PCDHA9: variants seen among roughly 807,000 people sequenced by gnomAD.
The protein encoded by PCDHA9 is protocadherin alpha 9.
PCDHA9 carries 62 observed loss-of-function variants against 62.0 expected under a neutral mutation model. The ratio of observed to expected loss-of-function variants is 1.00; its 90% CI spans 0.81 to 1.23. PCDHA9 has a LOEUF of 1.23. Ranked by LOEUF, PCDHA9 falls within the 50% of genes most tolerant of loss-of-function variation. The probability of loss-of-function intolerance (pLI) is 0.00; values close to 1 mark genes in which losing one functional copy is unlikely to be tolerated. For synonymous variants in PCDHA9, 557 were observed against 567.6 expected (o/e 0.98, Z 0.27); for missense variants, 1,205 against 1,249.8 (o/e 0.96, Z 0.54).
chr5:140,848,676 C>T lies in PCDHA9; in HGVS notation c.181C>T (p.Pro61Ser). The T allele has an allele frequency of 6.3e-7, 1 of 1,592,292 alleles. No individual in the cohort carries two copies. Among genetic ancestry groups the T allele is most frequent in the South Asian group, 1.1e-5 (1 of 90,126 alleles). The change falls in exon 1 of 4, where the codon CCG becomes TCG. Residue 61 changes from proline (P) to serine (S), a missense_variant. Physicochemically the swap from Pro to Ser is moderately conservative, Grantham distance 74 (BLOSUM62 -1). Coordinates refer to ENST00000532602, the MANE Select transcript of PCDHA9 (RefSeq NM_031857.2). ...DLGLELAELV[P>S]RLFQLDSKGR... ...GGGGCTGGAGCTGGCGGAGCTGGTGCCGCGCCTGTTCCAGTTGGATTCCAA... is the reference window on the plus strand; with the variant it reads ...GGGGCTGGAGCTGGCGGAGCTGGTGTCGCGCCTGTTCCAGTTGGATTCCAA...
intron 3 of PCDHA9, among the ~76,000 whole-genome samples, chr5:141,009,257 C>G (rs1375950001): frequency 6.6e-6 from 1 of 152,136 alleles, no homozygotes; most frequent in Non-Finnish European, 1.5e-5. Flanking sequence ...GTGTTTGAGA[C>G]CAGCCTGGGC....
intron 1 of PCDHA9, chr5:140,865,770 T>C (rs1554159611): frequency 6.6e-6 from 1 of 152,200 alleles, no homozygotes; most frequent in Non-Finnish European, 1.5e-5. Context: ...GGAGATATTA[T>C]TCAAATGTGT....
intron 1 of PCDHA9, among the ~76,000 whole-genome samples, chr5:140,949,473 G>A (rs2094384488): frequency 6.6e-6 from 1 of 151,492 alleles, no homozygotes; most frequent in South Asian, 2.1e-4. Flanking sequence ...CCTGTTATTA[G>A]GCACACACAT....
chr5:140,971,332 A>G (rs1229650076), intron 1 of PCDHA9, among the ~76,000 whole-genome samples: 3 of 152,242 alleles, frequency 2.0e-5, no homozygotes, highest in Non-Finnish European at 4.4e-5. Context: ...AAATTATTTC[A>G]GAAAGTGCTT....
At chr5:140,969,606 C>T (rs2096345912) in intron 1 of PCDHA9, 1 of 758,598 alleles carries the variant, frequency 1.3e-6, no homozygotes, top group South Asian at 2.1e-5. Context: ...AATGCTAAAA[C>T]ACAGATTTGT....
intron 1 of PCDHA9, among the ~76,000 whole-genome samples, chr5:140,941,319 CT>C (rs70988781): frequency 0.38 from 39,984 of 104,186 alleles, 7,512 homozygotes; most frequent in East Asian, 0.57. Flanking sequence ...TCTTCTTTCT[CT>C]TTTTTTTTTT....
intron 1 of PCDHA9, among the ~76,000 whole-genome samples, chr5:140,901,967 T>C (rs2069024315): frequency 6.6e-6 from 1 of 152,134 alleles, no homozygotes; most frequent in East Asian, 1.9e-4. Flanking sequence ...CTATCGTAAA[T>C]GGGATTACTT....
In PCDHA9 at chr5:140,848,485, G is replaced by C. The variant is rs1386369016; in HGVS notation, c.-11G>C. On this transcript the variant is annotated 5_prime_UTR_variant, in exon 1 of 4. Coordinates refer to ENST00000532602, the MANE Select transcript of PCDHA9 (RefSeq NM_031857.2). ...AATTTTCACTAATTAGAAGAAGACT[G>C]AGTATTTGAAATGTTATACTCAAGT... is the stretch of plus-strand genomic sequence containing the variant. 6.4e-7 allele frequency: 1 copy of C among 1,573,026 alleles called. No homozygotes were observed. Among genetic ancestry groups the C allele is most frequent in the Non-Finnish European group, 8.7e-7 (1 of 1,153,260 alleles).
chr5:140,985,845 C>T (rs1381097554), intron 3 of PCDHA9, among the ~76,000 whole-genome samples: 1 of 150,700 alleles, frequency 6.6e-6, no homozygotes, highest in African/African-American at 2.4e-5. Flanking sequence ...GTTCATGCCA[C>T]TCTCCTGCCT....
chr5:140,857,610 C>T (rs1436552212), intron 1 of PCDHA9: 2 of 1,596,344 alleles, frequency 1.3e-6, no homozygotes, highest in South Asian at 2.2e-5. Flanking sequence ...GCGCTGCAGC[C>T]GCTGGACCAC....
chr5:141,000,705 G>A (rs912231910), intron 3 of PCDHA9, among the ~76,000 whole-genome samples: 6 of 151,458 alleles, frequency 4.0e-5, no homozygotes, highest in African/African-American at 1.2e-4. Context: ...TGGGATTACA[G>A]GCATGAGCCA....
At chr5:140,965,496 ATTTTTT>A (rs71766133) in intron 1 of PCDHA9, among the ~76,000 whole-genome samples, 2 of 146,442 alleles carry the variant, frequency 1.4e-5, no homozygotes, top group African/African-American at 2.5e-5. Flanking sequence ...ATGACAGCAG[ATTTTTT>A]TTTTTTTTTA....
chr5:140,874,124 T>G (rs926046559), intron 1 of PCDHA9, among the ~76,000 whole-genome samples: 6 of 152,266 alleles, frequency 3.9e-5, no homozygotes, highest in Admixed American at 3.3e-4. Context: ...TTATAGTTTA[T>G]TTAAGTTATC....
At chr5:140,979,086 G>A in intron 2 of PCDHA9, 79 bp downstream of exon 2, 3 of 1,561,050 alleles carry the variant, frequency 1.9e-6, no homozygotes, top group South Asian at 2.4e-5. Flanking sequence ...CCATAGGCCA[G>A]AAGCAGCTGT....
intron 1 of PCDHA9, chr5:140,876,824 A>G (rs1554168970): frequency 1.2e-6 from 2 of 1,614,116 alleles, no homozygotes; most frequent in Non-Finnish European, 1.7e-6. Context: ...GTGAACGACA[A>G]TGCGCCTGCG....
intron 1 of PCDHA9, among the ~76,000 whole-genome samples, chr5:140,945,791 G>T (rs782283550): frequency 1.3e-5 from 2 of 152,064 alleles, no homozygotes; most frequent in Non-Finnish European, 2.9e-5. Flanking sequence ...GCAGAAAAAT[G>T]AAACTAGACC....
At chr5:140,863,101 C>T in intron 1 of PCDHA9, 1 of 580,234 alleles carries the variant, frequency 1.7e-6, no homozygotes, top group Non-Finnish European at 3.4e-6. Flanking sequence ...GACGAGTACC[C>T]TGGACGAGGC....
intron 1 of PCDHA9, among the ~76,000 whole-genome samples, chr5:140,892,088 C>T (rs782787174): frequency 1.3e-5 from 2 of 152,122 alleles, no homozygotes; most frequent in Non-Finnish European, 2.9e-5. Flanking sequence ...AGTTTCCTCT[C>T]GAAACTTTCA....
chr5:140,883,683 G>A lies in PCDHA9; in HGVS notation c.2394+32794G>A, dbSNP rs1015362604. ...GTGAAGGAAAACAATCCGCCGGGCT[G>A]CCACATCTTCACGGTGTCTGCTCAG... On this transcript the variant is annotated intron_variant, in intron 1 of 3. Transcript: ENST00000532602. 4 of 1,613,808 alleles carry A rather than the reference G, an allele frequency of 2.5e-6. No individual in the cohort carries two copies. Among genetic ancestry groups the A allele is most frequent in the Non-Finnish European group, 3.4e-6 (4 of 1,179,896 alleles).
Sources: gnomAD v4.1 joint callset for allele counts (sites outside exome capture counted in the v4.1 genomes callset) on GRCh38, gnomAD v4.1.1 for gene constraint, MANE v1.5 for transcripts, NCBI Gene and HGNC (gene_info 2026-07-23, HGNC 2026-07-21) for gene names.